Variants in VTI1A observed in about 807,000 individuals in gnomAD.
The protein encoded by VTI1A is vesicle transport through interaction with t-SNAREs 1A.
Under a neutral mutation model 34.9 loss-of-function variants are expected in VTI1A, and 22 were observed. The observed-to-expected ratio is 0.63, with a 90% CI of 0.45 to 0.90. The LOEUF (loss-of-function observed/expected upper bound fraction) is 0.90, where lower values mean the gene tolerates loss of function less well. Ranked by LOEUF, VTI1A falls within the 40% of genes least tolerant of loss-of-function variation. The probability of loss-of-function intolerance (pLI) is 0.00; values close to 1 mark genes in which losing one functional copy is unlikely to be tolerated. For synonymous variants in VTI1A, 87 were observed against 97.3 expected, an observed-to-expected ratio of 0.89 and a Z score of 0.62; for missense variants, 268 against 275.6, an observed-to-expected ratio of 0.97 and a Z score of 0.20.
chr10:112,632,331 C>T (rs776908769), intron 5 of VTI1A, among the ~76,000 whole-genome samples: 1 of 152,234 alleles, frequency 6.6e-6, no homozygotes, highest in South Asian at 2.1e-4. Flanking sequence ...GTGGCTTGAA[C>T]GTATGTGGAG....
chr10:112,525,606 A>G (rs1850196024), intron 3 of VTI1A, among the ~76,000 whole-genome samples: 2 of 152,200 alleles, frequency 1.3e-5, no homozygotes, highest in African/African-American at 2.4e-5. Context: ...AGCCTTTTCA[A>G]CTGGGTTCTG....
chr10:112,447,308 T>G lies in VTI1A; in HGVS notation c.-66T>G. 1 of 1,541,780 alleles carries G rather than the reference T, an allele frequency of 6.5e-7. No homozygotes were observed. The highest frequency in any genetic ancestry group is 8.8e-7 in the Non-Finnish European group (1 of 1,137,060). ...CGGGGTTCCTAAGCCGCGGGGCCCC[T>G]CGCTGCCCCTCGAGGCCCTTTCCCT... On this transcript the variant is annotated 5_prime_UTR_variant, in exon 1 of 8. Transcript: ENST00000393077.
At chr10:112,586,035 C>T (rs1844141279) in intron 5 of VTI1A, among the ~76,000 whole-genome samples, 2 of 151,666 alleles carry the variant, frequency 1.3e-5, no homozygotes, top group African/African-American at 4.8e-5. Context: ...ATAATTACGT[C>T]GATTGCTGAA....
intron 5 of VTI1A, among the ~76,000 whole-genome samples, chr10:112,584,159 T>C (rs1290473396): frequency 1.3e-5 from 2 of 152,210 alleles, no homozygotes; most frequent in African/African-American, 4.8e-5. Flanking sequence ...TTATGTATCC[T>C]TTTTCATTAA....
intron 7 of VTI1A, among the ~76,000 whole-genome samples, chr10:112,729,773 A>T (rs1264303407): frequency 6.6e-6 from 1 of 152,214 alleles, no homozygotes; most frequent in Non-Finnish European, 1.5e-5. Flanking sequence ...CCATTTTCAA[A>T]TCAGCTGATT....
At chr10:112,774,533 A>G (rs1851901572) in intron 7 of VTI1A, among the ~76,000 whole-genome samples, 1 of 152,192 alleles carries the variant, frequency 6.6e-6, no homozygotes, top group Non-Finnish European at 1.5e-5. Flanking sequence ...AGGCTTAGGC[A>G]GTAAATTAAT....
intron 7 of VTI1A, among the ~76,000 whole-genome samples, chr10:112,814,507 C>T (rs1284738531): frequency 6.6e-6 from 1 of 152,142 alleles, no homozygotes; most frequent in South Asian, 2.1e-4. Context: ...TCATCAGAAG[C>T]TCTCTGCAGG....
At chr10:112,531,281 A>G (rs557201227) in intron 4 of VTI1A, among the ~76,000 whole-genome samples, 86 of 152,050 alleles carry the variant, frequency 5.7e-4, no homozygotes, top group East Asian at 1.9e-4. Context: ...GCATTGGGGG[A>G]AAAAAAATCT....
intron 5 of VTI1A, among the ~76,000 whole-genome samples, chr10:112,567,614 T>A (rs2134351586): frequency 6.6e-6 from 1 of 152,314 alleles, no homozygotes; most frequent in Admixed American, 6.5e-5. Context: ...ATCAGAGGTA[T>A]GATTGGGGGC....
At chr10:112,554,256 C>G (rs772957369) in intron 5 of VTI1A, among the ~76,000 whole-genome samples, 16 of 152,060 alleles carry the variant, frequency 1.1e-4, no homozygotes, top group Non-Finnish European at 1.8e-4. Flanking sequence ...AAAGCATATG[C>G]TAAAAGTACA....
intron 5 of VTI1A, among the ~76,000 whole-genome samples, chr10:112,615,300 T>G (rs148011565): frequency 6.6e-6 from 1 of 152,362 alleles, no homozygotes; most frequent in East Asian, 1.9e-4. Flanking sequence ...GATTTCCATC[T>G]GGAAAACAGA....
chr10:112,514,971 CAT>C (rs1849724759), intron 3 of VTI1A, among the ~76,000 whole-genome samples: 1 of 151,918 alleles, frequency 6.6e-6, no homozygotes, highest in African/African-American at 2.4e-5. Flanking sequence ...TACCAAGTGA[CAT>C]ATTACAGAAT....
chr10:112,628,304 G>A (rs904801923), intron 5 of VTI1A, among the ~76,000 whole-genome samples: 3 of 152,072 alleles, frequency 2.0e-5, no homozygotes, highest in Non-Finnish European at 4.4e-5. Flanking sequence ...TTTATGTTTA[G>A]GTGTTTAGGT....
intron 5 of VTI1A, among the ~76,000 whole-genome samples, chr10:112,598,322 A>T (rs1844747727): frequency 6.6e-6 from 1 of 152,136 alleles, no homozygotes; most frequent in African/African-American, 2.4e-5. Flanking sequence ...TGTACCATTT[A>T]TTGAAAGACC....
the VTI1A span, among the ~76,000 whole-genome samples, chr10:112,833,854 A>G: frequency 1.3e-5 from 2 of 152,134 alleles, no homozygotes; most frequent in Non-Finnish European, 2.9e-5. Flanking sequence ...AAAATGCAGT[A>G]ACTTCAAATT....
chr10:112,668,321 T>A (rs776043470), intron 6 of VTI1A, 33 bp downstream of exon 6: 7 of 1,601,430 alleles, frequency 4.4e-6, no homozygotes, highest in Non-Finnish European at 6.0e-6. Context: ...TTTCACATAT[T>A]CAGTAAATGA....
In VTI1A at chr10:112,817,465, A is replaced by T. The variant is rs1408509612; in HGVS notation, c.*2082A>T. The T allele has an allele frequency of 4.3e-6, 1 of 230,706 alleles. No individual in the cohort carries two copies. Among genetic ancestry groups the T allele is most frequent in the Non-Finnish European group, 8.6e-6 (1 of 116,618 alleles). 14.3% of individuals were successfully genotyped at this position (230,706 alleles called of 1,614,324 possible). A position where few individuals can be genotyped will look rare whatever the true frequency, so the allele number is the denominator to read the frequency against. ...TTTTTCGTTCAAGTTCTATGTCTTTATCAGCTCTTGCCTGTGATTTTACCC... is the reference window on the plus strand; with the variant it reads ...TTTTTCGTTCAAGTTCTATGTCTTTTTCAGCTCTTGCCTGTGATTTTACCC... On this transcript the variant is annotated 3_prime_UTR_variant, in exon 8 of 8. Coordinates refer to ENST00000393077, the MANE Select transcript of VTI1A (RefSeq NM_145206.4).
chr10:112,689,104 A>G (rs1328285043), intron 7 of VTI1A, among the ~76,000 whole-genome samples: 4 of 152,118 alleles, frequency 2.6e-5, no homozygotes, highest in Non-Finnish European at 5.9e-5. Context: ...ACTTGCATGT[A>G]TTAATTTTAA....
At chr10:112,770,924 A>G (rs1851796748) in intron 7 of VTI1A, among the ~76,000 whole-genome samples, 1 of 152,136 alleles carries the variant, frequency 6.6e-6, no homozygotes, top group South Asian at 2.1e-4. Flanking sequence ...TGTTTTAGAA[A>G]TAAACAGGAG....
Sources: allele counts gnomAD v4.1 joint callset (sites outside exome capture counted in the v4.1 genomes callset), GRCh38; gene constraint gnomAD v4.1.1; transcripts MANE v1.5; gene names NCBI Gene and HGNC (gene_info 2026-07-23, HGNC 2026-07-21).